Variants in CACNA2D4 observed in about 807,000 individuals in gnomAD.
CACNA2D4 encodes the protein calcium voltage-gated channel auxiliary subunit alpha2delta 4.
CACNA2D4 carries 157 observed loss-of-function variants against 163.8 expected under a neutral mutation model. That is an observed-to-expected ratio of 0.96 (90% confidence interval 0.84 to 1.09). CACNA2D4 has a LOEUF of 1.09. CACNA2D4 is among the 50% of genes least tolerant of loss of function. CACNA2D4 has a pLI of 0.00. For missense variants in CACNA2D4, 1,410 were observed against 1,479.9 expected, an observed-to-expected ratio of 0.95 and a Z score of 0.78; for synonymous variants, 598 against 586.9, an observed-to-expected ratio of 1.02 and a Z score of -0.27.
chr12:1,909,375 T>C (rs1866757996), intron 4 of CACNA2D4, among the ~76,000 whole-genome samples: 1 of 152,192 alleles, frequency 6.6e-6, no homozygotes, highest in Non-Finnish European at 1.5e-5. Flanking sequence ...TGCATTTTTT[T>C]AGTAGAGACG....
intron 6 of CACNA2D4, among the ~76,000 whole-genome samples, chr12:1,905,987 G>A (rs1866651271): frequency 6.6e-6 from 1 of 152,062 alleles, no homozygotes; most frequent in Admixed American, 6.5e-5. Flanking sequence ...AAGGTATATA[G>A]ACCAATAAAA....
At chr12:1,858,703 G>C (rs533030409) in intron 19 of CACNA2D4, 59 bp from the exon 20 acceptor site, 2 of 1,422,888 alleles carry the variant, frequency 1.4e-6, no homozygotes, top group East Asian at 4.8e-5. Context: ...CCTGTCTCCC[G>C]GGCCTCGTCC....
chr12:1,884,342 G>A (rs375667935), intron 11 of CACNA2D4, 21 bp from the exon 12 acceptor site: 133 of 1,592,534 alleles, frequency 8.4e-5, no homozygotes, highest in Non-Finnish European at 1.1e-4. Context: ...AGACACAGAG[G>A]CACTCAGCAG....
intron 25 of CACNA2D4, among the ~76,000 whole-genome samples, chr12:1,841,993 G>C (rs983370490): frequency 1.3e-5 from 2 of 152,206 alleles, no homozygotes; most frequent in Non-Finnish European, 2.9e-5. Flanking sequence ...GTGGTGATGT[G>C]GCAGCCCCGA....
In CACNA2D4 at chr12:1,907,702, T is replaced by TG. The variant is rs1323534772; in HGVS notation, c.650-132dup. 18 of 1,171,652 alleles carry TG rather than the reference T, an allele frequency of 1.5e-5. 1 individual carries two copies. Among genetic ancestry groups the TG allele is most frequent in the African/African-American group, 3.1e-5 (2 of 64,898 alleles). The allele number at this position is 1,171,652 out of a possible 1,614,324, so 72.6% of individuals were successfully genotyped here. A position where few individuals can be genotyped will look rare whatever the true frequency, so the allele number is the denominator to read the frequency against. On this transcript the variant is annotated intron_variant, in intron 5 of 37. Coordinates refer to ENST00000382722, the MANE Select transcript of CACNA2D4 (RefSeq NM_172364.5). Reference sequence around the variant, plus strand: ...AAGCGTGCCTGGTGGGTGTGCCTGGTGGGCGTGTCTGGTGGACGGCCTGGT... The same window carrying TG: ...AAGCGTGCCTGGTGGGTGTGCCTGGTGGGGCGTGTCTGGTGGACGGCCTGGT...
At chr12:1,890,041 G>T (rs1427206447) in intron 6 of CACNA2D4, among the ~76,000 whole-genome samples, 1 of 152,158 alleles carries the variant, frequency 6.6e-6, no homozygotes, top group African/African-American at 2.4e-5. Context: ...GGATTGGCTG[G>T]GAGCCTCTCC....
intron 8 of CACNA2D4, 83 bp downstream of exon 8, chr12:1,886,140 T>A: frequency 6.4e-7 from 1 of 1,561,050 alleles, no homozygotes; most frequent in South Asian, 1.1e-5. Flanking sequence ...CACCGGGTGG[T>A]CAGGGGTTGT....
intron 27 of CACNA2D4, among the ~76,000 whole-genome samples, chr12:1,810,902 A>G (rs1469155451): frequency 1.3e-5 from 2 of 152,206 alleles, no homozygotes; most frequent in Non-Finnish European, 2.9e-5. Flanking sequence ...CGGGTGCTGC[A>G]TTCGGCAGGC....
Position 1,862,665 on chromosome 12 carries a change from G to A in CACNA2D4, c.1879-2459C>T, listed in dbSNP as rs143286244. On this transcript the variant is annotated intron_variant, in intron 18 of 37. Transcript: ENST00000382722. ...TGGCCTCAAGCGACCTGCTTACCTC[G>A]GCCTCCCGAAGTGTTGGGATTAGAG... 4.4e-4 allele frequency among the ~76,000 whole-genome samples: 67 copies of A among 152,244 alleles called. No individual in the cohort carries two copies. In the East Asian group the frequency reaches 8.7e-3, roughly 20 times the overall value.
At chr12:1,879,722 G>A (rs1477716832) in intron 14 of CACNA2D4, 82 bp downstream of exon 14, 7 of 1,195,994 alleles carry the variant, frequency 5.9e-6, no homozygotes, top group Middle Eastern at 1.9e-4. Context: ...GCACAGCCAA[G>A]TCAAGAATCA....
rs759325106 is a variant in CACNA2D4 at position 1,831,252 on chromosome 12, A to G, written c.2551+9487T>C. On this transcript the variant is annotated intron_variant, in intron 26 of 37. Transcript: ENST00000382722. The stretch of plus-strand genomic sequence containing the variant: ...GCTTCAGCTGCGCAATAACAGCATC[A>G]GGACCCTGGACAGGGACCTGCTGCG... 2.0e-5 allele frequency: 32 copies of G among 1,613,674 alleles called. No homozygotes were observed. The Admixed American group carries it at 5.0e-4, about 25-fold the overall frequency.
intron 26 of CACNA2D4, among the ~76,000 whole-genome samples, chr12:1,825,639 C>T (rs1864282376): frequency 6.6e-6 from 1 of 152,226 alleles, no homozygotes; most frequent in Non-Finnish European, 1.5e-5. Context: ...TATGTTAGCA[C>T]ATACCTAGCT....
Position 1,843,029 on chromosome 12 carries a change from G to A in CACNA2D4, c.2470+1373C>T, listed in dbSNP as rs895739358. On this transcript the variant is annotated intron_variant, in intron 25 of 37. Coordinates refer to ENST00000382722, the MANE Select transcript of CACNA2D4 (RefSeq NM_172364.5). This position sits in a 1 kb window ranked among gnomAD's most constrained non-coding sequence, Gnocchi z 4.6. Reference sequence around the variant, plus strand: ...CCCGGGCAAGTTACAGAACCTCTCTGAGCCTCACGTTCTCCTTGTGTAAGT... The same window carrying A: ...CCCGGGCAAGTTACAGAACCTCTCTAAGCCTCACGTTCTCCTTGTGTAAGT... Among the ~76,000 whole-genome samples, 1 of 152,306 alleles carries A rather than the reference G, an allele frequency of 6.6e-6. No individual in the cohort carries two copies. Among genetic ancestry groups the A allele is most frequent in the Admixed American group, 6.5e-5 (1 of 15,302 alleles).
At chr12:1,906,198 C>T (rs191642738) in intron 6 of CACNA2D4, among the ~76,000 whole-genome samples, 1 of 152,212 alleles carries the variant, frequency 6.6e-6, no homozygotes, top group East Asian at 1.9e-4. Context: ...AATGTAAGAC[C>T]TAAAACTATA....
rs1866064526 is a variant in CACNA2D4 at position 1,883,768 on chromosome 12, G to A, written c.1351+475C>T. Among the ~76,000 whole-genome samples the A allele has an allele frequency of 6.6e-6, 1 of 152,162 alleles. No individual in the cohort carries two copies. Among genetic ancestry groups the A allele is most frequent in the South Asian group, 2.1e-4 (1 of 4,830 alleles). On this transcript the variant is annotated intron_variant, in intron 12 of 37. Transcript: ENST00000382722. The surrounding 1 kb of genome is among the most constrained non-coding windows in gnomAD (Gnocchi z 4.5). ...CACATTTCAGGCTGCATCGTGGGTG[G>A]TGTTTTACTTGTATGTCTCCCTGCT... is the stretch of plus-strand genomic sequence containing the variant.
rs368281047 is a variant in CACNA2D4, at chr12:1,834,724, G to A, written c.2551+6015C>T. On this transcript the variant is annotated intron_variant, in intron 26 of 37. Coordinates refer to ENST00000382722, the MANE Select transcript of CACNA2D4 (RefSeq NM_172364.5). The surrounding 1 kb of genome is among the most constrained non-coding windows in gnomAD (Gnocchi z 7.6). ...AGCAGATCTCTTCTGTGGCCTGAGC[G>A]CCCATCCCCACCCGGCCAGGTAGGA... The A allele has an allele frequency of 6.9e-5, 109 of 1,581,762 alleles. No homozygotes were observed. Among genetic ancestry groups the A allele is most frequent in the African/African-American group, 3.6e-4 (27 of 74,402 alleles).
At chr12:1,796,498 C>T (rs963850835) in intron 35 of CACNA2D4, among the ~76,000 whole-genome samples, 99 of 152,346 alleles carry the variant, frequency 6.5e-4, no homozygotes, top group African/African-American at 2.2e-3. Flanking sequence ...GTTTTCAATT[C>T]AGGAGTGTCT....
chr12:1,910,337 T>C (rs373449758), intron 3 of CACNA2D4, among the ~76,000 whole-genome samples: 21 of 152,240 alleles, frequency 1.4e-4, no homozygotes, highest in Admixed American at 4.6e-4. Context: ...AGTGGATGCA[T>C]GTCATTGCAC....
Position 1,875,203 on chromosome 12 carries a change from G to T in CACNA2D4, c.1806+48C>A. 7.5e-7 allele frequency: 1 copy of T among 1,327,400 alleles called. No homozygotes were observed. The highest frequency in any genetic ancestry group is 1.1e-6 in the Non-Finnish European group (1 of 919,358). 82.2% of individuals were successfully genotyped at this position (1,327,400 alleles called of 1,614,324 possible). ...AGCCACACAGCTGACCCATTTAGTTGGATGTAGAGCCTAACTAGCTTCCCT... is the reference window on the plus strand; with the variant it reads ...AGCCACACAGCTGACCCATTTAGTTTGATGTAGAGCCTAACTAGCTTCCCT... On this transcript the variant is annotated intron_variant, in intron 17 of 37. Coordinates refer to ENST00000382722, the MANE Select transcript of CACNA2D4 (RefSeq NM_172364.5). The surrounding 1 kb of genome is among the most constrained non-coding windows in gnomAD (Gnocchi z 4.0).
Sources: gnomAD v4.1 joint callset for allele counts (sites outside exome capture counted in the v4.1 genomes callset) on GRCh38, gnomAD v4.1.1 for gene constraint, Gnocchi (gnomAD v3.1) non-coding constraint, MANE v1.5 for transcripts, NCBI Gene and HGNC (gene_info 2026-07-23, HGNC 2026-07-21) for gene names.